The following CLTCL1 variants were observed in gnomAD, a reference collection of about 807,000 sequenced individuals.
The protein encoded by CLTCL1 is clathrin heavy chain 2.
In CLTCL1, 159 loss-of-function variants were observed where a neutral mutation model predicts 190.0. That is an observed-to-expected ratio of 0.84 (90% confidence interval 0.74 to 0.95). The LOEUF (loss-of-function observed/expected upper bound fraction) is 0.95, where lower values mean the gene tolerates loss of function less well. Among genes scored for constraint, CLTCL1 ranks in the 40% least tolerant of loss-of-function variants. The pLI is 0.00. For synonymous variants in CLTCL1, 752 were observed against 769.6 expected (o/e 0.98, Z 0.38); for missense variants, 1,878 against 2,033.4 (o/e 0.92, Z 1.47).
chr22:19,238,021 A>G (rs1555963046), intron 5 of CLTCL1, among the ~76,000 whole-genome samples: 2 of 152,342 alleles, frequency 1.3e-5, no homozygotes, highest in East Asian at 3.9e-4. Flanking sequence ...TTTTGTTCAG[A>G]AAAGGTATAG....
At chr22:19,194,988 C>T (rs975485308) in intron 26 of CLTCL1, among the ~76,000 whole-genome samples, 1 of 152,214 alleles carries the variant, frequency 6.6e-6, no homozygotes, top group Non-Finnish European at 1.5e-5. Context: ...CTGCAGGCAC[C>T]AGATGAGAGA....
At chr22:19,220,043 C>T (rs1555951549) in intron 17 of CLTCL1, 36 bp from the exon 18 acceptor site, 6 of 1,612,832 alleles carry the variant, frequency 3.7e-6, no homozygotes, top group Middle Eastern at 1.7e-4. Flanking sequence ...GACACAGCAG[C>T]CAACCAGCGG....
intron 2 of CLTCL1, chr22:19,258,236 C>A: frequency 2.9e-6 from 1 of 339,966 alleles, no homozygotes; most frequent in South Asian, 2.5e-5. Flanking sequence ...GGCAGATGTC[C>A]AAATATCAGG....
intron 31 of CLTCL1, 103 bp downstream of exon 31, chr22:19,180,628 C>A: frequency 1.8e-6 from 2 of 1,128,486 alleles, no homozygotes; most frequent in Non-Finnish European, 2.6e-6. Flanking sequence ...CCCCACCCAT[C>A]TATTCCCATC....
rs199591999 is a variant in CLTCL1 at position 19,221,721 on chromosome 22, T to C, written c.2562-110A>G. 236 of 1,090,834 alleles carry C rather than the reference T, an allele frequency of 2.2e-4. 4 individuals are homozygous for C. The East Asian group carries it at 5.9e-3, about 27-fold the overall frequency. The allele number at this position is 1,090,834 out of a possible 1,614,324, so 67.6% of individuals were successfully genotyped here. ...CTGAAACAAAAAATCTCAGAGTCCA[T>C]TGACTTCAGGTTGCTCTAGGGACCA... On this transcript the variant is annotated intron_variant, in intron 16 of 32. Transcript: ENST00000427926.
At position 19,278,272 on chromosome 22, in the gene CLTCL1, T is replaced by C. The variant is rs2087586396; in HGVS notation, c.43-2442A>G. Among the ~76,000 whole-genome samples, 3 of 152,114 alleles carry C rather than the reference T, an allele frequency of 2.0e-5. No homozygotes were observed. In the South Asian group the frequency reaches 6.2e-4, roughly 32 times the overall value. On this transcript the variant is annotated intron_variant, in intron 1 of 32. Transcript: ENST00000427926. The stretch of plus-strand genomic sequence containing the variant: ...GGAATTTTCTTAGGTATTATATTGC[T>C]TAACATTTTGTAAGTCTAAAAAAAA...
chr22:19,258,658 G>A (rs999252459), intron 2 of CLTCL1: 28 of 641,268 alleles, frequency 4.4e-5, no homozygotes, highest in African/African-American at 2.0e-4. Flanking sequence ...ACCTACCACC[G>A]CCTGCTGGAA....
chr22:19,229,916 A>T lies in CLTCL1; in HGVS notation c.1704T>A (p.Asp568Glu), dbSNP rs2085864937. 1 of 1,611,836 alleles carries T rather than the reference A, an allele frequency of 6.2e-7. No homozygotes were observed. Among genetic ancestry groups the T allele is most frequent in the Middle Eastern group, 1.6e-4 (1 of 6,082 alleles). ...CAGCTGGGCGATTATTCTTCAAGGC[A>T]TCCAATAAGAAGGAAGTACACTGCT... ...LIQQCTSFLLDALKNNRPAEG... is the reference protein window; with the variant it reads ...LIQQCTSFLLEALKNNRPAEG... The change falls in exon 11 of 33, where the codon GAT (aspartate) becomes GAA (glutamate). Residue 568 changes from aspartate (D) to glutamate (E), a missense_variant. Coordinates refer to ENST00000427926, the MANE Select transcript of CLTCL1 (RefSeq NM_007098.4).
chr22:19,275,166 A>C (rs571940646), intron 2 of CLTCL1, among the ~76,000 whole-genome samples: 1 of 152,354 alleles, frequency 6.6e-6, no homozygotes, highest in East Asian at 1.9e-4. Context: ...GAAGGCTTTA[A>C]GCACCCAAGA....
At chr22:19,274,006 A>AAC (rs140044394) in intron 2 of CLTCL1, among the ~76,000 whole-genome samples, 25 of 151,280 alleles carry the variant, frequency 1.7e-4, no homozygotes, top group African/African-American at 4.6e-4. Flanking sequence ...TCCACACCAC[A>AAC]ACACACACAC....
chr22:19,225,634 C>G lies in CLTCL1; in HGVS notation c.1948-1G>C, dbSNP rs1555955509. On this transcript the variant is annotated splice_acceptor_variant, in intron 12 of 32. Transcript: ENST00000427926. LOFTEE classifies it high-confidence loss of function. ...AGGAGCCAAAGAAATTGACAAGCCA[C>G]TGGGAACAAGGAAGAGTCTGTCCAC... is the stretch of plus-strand genomic sequence containing the variant. 3.2e-6 allele frequency: 5 copies of G among 1,568,380 alleles called. No homozygotes were observed. The South Asian group carries it at 5.9e-5, about 18-fold the overall frequency.
rs1569157585 is a variant in CLTCL1, at chr22:19,196,641, C to CA, written c.3888dup (p.Glu1297Ter). On this transcript the variant is annotated frameshift_variant, in exon 25 of 33. Transcript: ENST00000427926. LOFTEE classifies it high-confidence loss of function. Reference sequence around the variant, plus strand: ...GCTTCCAACAGCAAGATCAGCTCCTCAAAGTAGCCACGATCCTAGCAGACC... The same window carrying CA: ...GCTTCCAACAGCAAGATCAGCTCCTCAAAAGTAGCCACGATCCTAGCAGACC... 6.2e-7 allele frequency: 1 copy of CA among 1,612,864 alleles called. No homozygotes were observed. The highest frequency in any genetic ancestry group is 1.1e-5 in the South Asian group (1 of 90,904).
At chr22:19,200,393 A>T (rs1482436597) in intron 23 of CLTCL1, among the ~76,000 whole-genome samples, 1 of 152,220 alleles carries the variant, frequency 6.6e-6, no homozygotes, top group Non-Finnish European at 1.5e-5. Context: ...TGATGCATAC[A>T]CCAGCACCCT....
At chr22:19,222,605 C>T (rs2085609066) in intron 15 of CLTCL1, 79 bp downstream of exon 15, 4 of 1,503,752 alleles carry the variant, frequency 2.7e-6, no homozygotes, top group Non-Finnish European at 3.6e-6. Flanking sequence ...TCAGGTGTTA[C>T]AGGCAGCCTC....
At position 19,229,359 on chromosome 22, in the gene CLTCL1, C is replaced by T. The variant is rs576421953; in HGVS notation, c.1782+479G>A. Reference sequence around the variant, plus strand: ...GTAAAAGGACAAATATTTTGTGGTTCCATGTATATGAAATATCTTGAAAAG... The same window carrying T: ...GTAAAAGGACAAATATTTTGTGGTTTCATGTATATGAAATATCTTGAAAAG... On this transcript the variant is annotated intron_variant, in intron 11 of 32. Transcript: ENST00000427926. 4.0e-4 allele frequency among the ~76,000 whole-genome samples: 61 copies of T among 152,168 alleles called. 2 individuals are homozygous for T. In the South Asian group the frequency reaches 7.7e-3, roughly 19 times the overall value.
At chr22:19,247,063 C>G (rs1053451061) in intron 3 of CLTCL1, among the ~76,000 whole-genome samples, 1 of 152,144 alleles carries the variant, frequency 6.6e-6, no homozygotes, top group Non-Finnish European at 1.5e-5. Flanking sequence ...ATCTAAGAAT[C>G]CATGCCAAAT....
rs45590542 is a variant in CLTCL1, at chr22:19,226,312, C to T, written c.1854G>A (p.Glu618=). The T allele has an allele frequency of 5.6e-3, 9,063 of 1,614,052 alleles. 36 individuals carry two copies. The highest frequency in any genetic ancestry group is 0.011 in the South Asian group (989 of 91,080). The change falls in exon 12 of 33, where the codon GAG becomes GAA. Residue 618 remains glutamate (E), a synonymous_variant. Coordinates refer to ENST00000427926, the MANE Select transcript of CLTCL1 (RefSeq NM_007098.4). ...YDRAHIAQLC[E]KAGLLQQALE... ...GTGCTTGCTGCAGGAGGCCTGCCTTCTCACAGAGCTGGGCAATGTGGGCCC... is the reference window on the plus strand; with the variant it reads ...GTGCTTGCTGCAGGAGGCCTGCCTTTTCACAGAGCTGGGCAATGTGGGCCC...
chr22:19,274,673 T>C (rs1555982225), intron 2 of CLTCL1, among the ~76,000 whole-genome samples: 2 of 151,888 alleles, frequency 1.3e-5, no homozygotes, highest in Non-Finnish European at 2.9e-5. Flanking sequence ...TAGGCAAAGC[T>C]AATATTTGGC....
chr22:19,245,148 G>C (rs1555967378), intron 3 of CLTCL1, among the ~76,000 whole-genome samples: 1 of 150,386 alleles, frequency 6.6e-6, no homozygotes, highest in African/African-American at 2.5e-5. Context: ...CTTAGACAGG[G>C]TTGGCAAACT....
Sources: allele counts gnomAD v4.1 joint callset (sites outside exome capture counted in the v4.1 genomes callset), GRCh38; gene constraint gnomAD v4.1.1; transcripts MANE v1.5; gene names NCBI Gene and HGNC (gene_info 2026-07-23, HGNC 2026-07-21).